CACNA1E: variants seen among roughly 807,000 people sequenced by gnomAD.
CACNA1E encodes the protein voltage-dependent R-type calcium channel subunit alpha-1E.
In CACNA1E, 40 loss-of-function variants were observed where a neutral mutation model predicts 259.2. The ratio of observed to expected loss-of-function variants is 0.15; its 90% CI spans 0.12 to 0.20. The LOEUF (loss-of-function observed/expected upper bound fraction) is 0.20, where lower values mean the gene tolerates loss of function less well. CACNA1E is among the 10% of genes least tolerant of loss of function. The pLI is 1.00. For missense variants in CACNA1E, 1,874 were observed against 3,040.1 expected, an observed-to-expected ratio of 0.62 and a Z score of 9.02; for synonymous variants, 1,104 against 1,138.5, an observed-to-expected ratio of 0.97 and a Z score of 0.61.
chr1:181,577,568 C>T (rs1418999722), intron 3 of CACNA1E, among the ~76,000 whole-genome samples, 198 bp from the exon 4 acceptor site: 1 of 152,160 alleles, frequency 6.6e-6, no homozygotes, highest in African/African-American at 2.4e-5. Flanking sequence ...TCCTTCTTTG[C>T]AAAGTAAAAC....
intron 19 of CACNA1E, among the ~76,000 whole-genome samples, chr1:181,731,674 T>C (rs766516659): frequency 6.6e-6 from 1 of 152,126 alleles, no homozygotes; most frequent in Non-Finnish European, 1.5e-5. Flanking sequence ...CCATGTGCTC[T>C]CCTGCACTTG....
intron 3 of CACNA1E, among the ~76,000 whole-genome samples, chr1:181,529,726 G>T (rs185057508): frequency 1.1e-4 from 16 of 152,288 alleles, no homozygotes; most frequent in Admixed American, 3.3e-4. Context: ...ATTTGCATGG[G>T]CCCTGCAACA....
intron 2 of CACNA1E, among the ~76,000 whole-genome samples, chr1:181,469,756 A>G (rs912574290): frequency 6.6e-6 from 1 of 152,084 alleles, no homozygotes; most frequent in Non-Finnish European, 1.5e-5. Context: ...AGGGAGGTAG[A>G]AGGAGGAGTT....
intron 6 of CACNA1E, among the ~76,000 whole-genome samples, chr1:181,602,881 G>A (rs184663826): frequency 2.8e-4 from 43 of 152,244 alleles, no homozygotes; most frequent in Admixed American, 2.6e-3. Context: ...ACCATTCATT[G>A]AGTCCACAAG....
At chr1:181,526,071 C>T (rs893268903) in intron 3 of CACNA1E, among the ~76,000 whole-genome samples, 9 of 151,990 alleles carry the variant, frequency 5.9e-5, no homozygotes, top group Non-Finnish European at 2.9e-5. Flanking sequence ...GGTCAGGAGG[C>T]AGGGAGGGGA....
At chr1:181,763,024 A>G (rs1658720147) in intron 33 of CACNA1E, among the ~76,000 whole-genome samples, 2 of 152,218 alleles carry the variant, frequency 1.3e-5, no homozygotes, top group Admixed American at 1.3e-4. Flanking sequence ...TGTTCCTTCT[A>G]AAGATGACTT....
chr1:181,750,976 A>AG (rs907605642), intron 26 of CACNA1E, among the ~76,000 whole-genome samples: 1 of 137,484 alleles, frequency 7.3e-6, no homozygotes, highest in Non-Finnish European at 1.6e-5. Flanking sequence ...TCTCCCTGTC[A>AG]GGGGGGTGGG....
chr1:181,529,963 G>A (rs1444190769), intron 3 of CACNA1E, among the ~76,000 whole-genome samples: 31 of 152,196 alleles, frequency 2.0e-4, no homozygotes, highest in Admixed American at 2.0e-3. Flanking sequence ...GTTTTGAAAT[G>A]TGAGGACATG....
chr1:181,771,114 A>AATT (rs1659468835), intron 35 of CACNA1E, among the ~76,000 whole-genome samples, 179 bp from the exon 36 acceptor site: 2 of 152,116 alleles, frequency 1.3e-5, no homozygotes, highest in East Asian at 3.9e-4. Context: ...AGTGGAGGAT[A>AATT]ATTATTCTTG....
At chr1:181,539,916 G>T (rs1037386880) in intron 3 of CACNA1E, among the ~76,000 whole-genome samples, 1 of 152,096 alleles carries the variant, frequency 6.6e-6, no homozygotes, top group African/African-American at 2.4e-5. Flanking sequence ...ATAGGACAAA[G>T]GTAAAATTAG....
chr1:181,620,737 G>T (rs1048723661), intron 6 of CACNA1E, among the ~76,000 whole-genome samples: 1 of 152,230 alleles, frequency 6.6e-6, no homozygotes, highest in East Asian at 1.9e-4. Context: ...ACAGAGGCAT[G>T]AAATAGTTCA....
chr1:181,469,433 T>C (rs1289232120), intron 2 of CACNA1E, among the ~76,000 whole-genome samples: 1 of 152,038 alleles, frequency 6.6e-6, no homozygotes, highest in African/African-American at 2.4e-5. Context: ...GGGAGCTGGT[T>C]TGTAGAGAAA....
intron 2 of CACNA1E, among the ~76,000 whole-genome samples, chr1:181,477,262 C>T (rs538109737): frequency 1.4e-4 from 22 of 152,006 alleles, no homozygotes; most frequent in African/African-American, 5.1e-4. Flanking sequence ...CCTTTTCCAG[C>T]TGCCTCCAGT....
At chr1:181,598,424 T>C (rs1202108690) in intron 6 of CACNA1E, among the ~76,000 whole-genome samples, 1 of 151,968 alleles carries the variant, frequency 6.6e-6, no homozygotes, top group Non-Finnish European at 1.5e-5. Context: ...CTTGTAGACA[T>C]AGAATTTCAC....
intron 6 of CACNA1E, among the ~76,000 whole-genome samples, chr1:181,604,694 A>C (rs1251655470): frequency 6.6e-6 from 1 of 152,180 alleles, no homozygotes; most frequent in Non-Finnish European, 1.5e-5. Context: ...TGCTTACTAC[A>C]CACTTTGCCC....
chr1:181,720,410 T>G (rs552457845), intron 14 of CACNA1E, 73 bp downstream of exon 14: 1 of 1,486,736 alleles, frequency 6.7e-7, no homozygotes, highest in African/African-American at 1.4e-5. Flanking sequence ...CTAGGGTCAT[T>G]AACTCAATCA....
intron 2 of CACNA1E, among the ~76,000 whole-genome samples, chr1:181,431,689 C>T (rs1659731043): frequency 6.6e-6 from 1 of 152,182 alleles, no homozygotes. Flanking sequence ...TGCATGGAGC[C>T]TGCTTTGCCT....
chr1:181,401,722 A>AT (rs1282075392), intron 1 of CACNA1E, among the ~76,000 whole-genome samples: 1 of 152,154 alleles, frequency 6.6e-6, no homozygotes, highest in Non-Finnish European at 1.5e-5. Context: ...AACTGCACGG[A>AT]TTTTTATGTA....
intron 3 of CACNA1E, among the ~76,000 whole-genome samples, chr1:181,512,137 A>G (rs1361791191): frequency 6.6e-6 from 1 of 152,278 alleles, no homozygotes; most frequent in East Asian, 1.9e-4. Flanking sequence ...ATGGCAGTAC[A>G]TTTAGTTAAA....
Sources: allele counts gnomAD v4.1 joint callset (sites outside exome capture counted in the v4.1 genomes callset), GRCh38; gene constraint gnomAD v4.1.1; transcripts MANE v1.5; gene names NCBI Gene and HGNC (gene_info 2026-07-23, HGNC 2026-07-21).